RALYL: variants seen among roughly 807,000 people sequenced by gnomAD.
RALYL encodes RALY RNA binding protein like, also known as RNA-binding Raly-like protein.
A neutral mutation model predicts 35.1 loss-of-function variants in RALYL; 29 were observed. That is an observed-to-expected ratio of 0.83 (90% CI 0.61 to 1.13). The LOEUF (loss-of-function observed/expected upper bound fraction) is 1.13, where lower values mean the gene tolerates loss of function less well. RALYL is among the 50% of genes most tolerant of loss of function. RALYL has a pLI of 0.00. For missense variants in RALYL, 359 were observed against 360.4 expected, an observed-to-expected ratio of 1.00 and a Z score of 0.03; for synonymous variants, 120 against 127.6, an observed-to-expected ratio of 0.94 and a Z score of 0.40.
At position 84,599,213 on chromosome 8, in the gene RALYL, G is replaced by A. The variant is rs16913015; in HGVS notation, c.256+69636G>A. On this transcript the variant is annotated intron_variant, in intron 2 of 8. Coordinates refer to ENST00000521268, the MANE Select transcript of RALYL (RefSeq NM_173848.7). ...ATTCTCTTTATTATCATGTATCACT[G>A]ACCACTAAAAATTTCATATATGTGC... 9.8e-3 allele frequency among the ~76,000 whole-genome samples: 1,489 copies of A among 151,802 alleles called. 23 individuals carry two copies. The highest frequency in any genetic ancestry group is 0.034 in the African/African-American group (1,412 of 41,426).
chr8:84,653,613 G>A (rs1438803753), intron 2 of RALYL, among the ~76,000 whole-genome samples: 1 of 151,728 alleles, frequency 6.6e-6, no homozygotes, highest in Non-Finnish European at 1.5e-5. Flanking sequence ...AGAGATCTCT[G>A]ATTAATTAAA....
intron 1 of RALYL, among the ~76,000 whole-genome samples, chr8:84,338,221 C>A (rs1848174609): frequency 6.6e-6 from 1 of 151,672 alleles, no homozygotes; most frequent in Non-Finnish European, 1.5e-5. Context: ...GTACTATTCT[C>A]ATTTTATAGG....
intron 2 of RALYL, among the ~76,000 whole-genome samples, chr8:84,741,342 G>A (rs1382146825): frequency 6.6e-6 from 1 of 151,958 alleles, no homozygotes; most frequent in African/African-American, 2.4e-5. Context: ...ACAGCTAGCT[G>A]TCTTAGTTTG....
chr8:84,325,725 A>G (rs1336960118), intron 1 of RALYL, among the ~76,000 whole-genome samples: 2 of 152,246 alleles, frequency 1.3e-5, no homozygotes, highest in African/African-American at 4.8e-5. Flanking sequence ...CCTGACTCTT[A>G]GCATTCAAAA....
At chr8:84,593,058 T>A (rs971144450) in intron 2 of RALYL, among the ~76,000 whole-genome samples, 1 of 152,138 alleles carries the variant, frequency 6.6e-6, no homozygotes, top group Non-Finnish European at 1.5e-5. Flanking sequence ...GACTGCTTTT[T>A]TCACATTACC....
At position 84,853,876 on chromosome 8, in the gene RALYL, G is replaced by A. The variant is rs955683345; in HGVS notation, c.413+3849G>A. ...TCTTTTAGCAGAGGTGCAAACTTGG[G>A]CAAGTTAGTTAATATCACAAAATCT... On this transcript the variant is annotated intron_variant, in intron 5 of 8. Coordinates refer to ENST00000521268, the MANE Select transcript of RALYL (RefSeq NM_173848.7). Among the ~76,000 whole-genome samples the A allele has an allele frequency of 5.9e-5, 9 of 152,008 alleles. No individual in the cohort carries two copies. In the South Asian group the frequency reaches 6.2e-4, roughly 11 times the overall value.
intron 2 of RALYL, among the ~76,000 whole-genome samples, chr8:84,593,074 A>G (rs1004846580): frequency 1.3e-5 from 2 of 152,076 alleles, no homozygotes; most frequent in Non-Finnish European, 2.9e-5. Flanking sequence ...TTACCTACTT[A>G]TAGTGCATTT....
intron 1 of RALYL, among the ~76,000 whole-genome samples, chr8:84,314,148 T>C (rs1004541486): frequency 4.6e-5 from 7 of 151,984 alleles, no homozygotes; most frequent in Non-Finnish European, 8.8e-5. Flanking sequence ...TGGACACTTA[T>C]CAAACAACCA....
At chr8:84,372,917 C>CTTTTTTTTTTTTTTTTTTT (rs1856174202) in intron 1 of RALYL, among the ~76,000 whole-genome samples, 113 of 49,022 alleles carry the variant, frequency 2.3e-3, no homozygotes, top group Middle Eastern at 0.012. Context: ...TTTTTTTTTA[C>CTTTTTTTTTTTTTTTTTTT]TTTTTAATAA....
intron 1 of RALYL, among the ~76,000 whole-genome samples, chr8:84,299,610 G>A (rs2132340684): frequency 6.6e-6 from 1 of 151,972 alleles, no homozygotes; most frequent in East Asian, 1.9e-4. Context: ...GCTTTCCCTG[G>A]TTGGTCGGCT....
intron 4 of RALYL, among the ~76,000 whole-genome samples, chr8:84,828,353 T>A (rs1025335044): frequency 1.9e-4 from 29 of 152,066 alleles, no homozygotes; most frequent in African/African-American, 6.8e-4. Flanking sequence ...TGGGTAAAAA[T>A]CATCCCCTTA....
At chr8:84,686,371 T>C (rs1307512936) in intron 2 of RALYL, among the ~76,000 whole-genome samples, 4 of 151,360 alleles carry the variant, frequency 2.6e-5, no homozygotes, top group Non-Finnish European at 2.9e-5. Context: ...GCCAGCATGT[T>C]ATTTAGCTAT....
chr8:84,277,776 C>T (rs1835707328), intron 1 of RALYL, among the ~76,000 whole-genome samples: 1 of 152,222 alleles, frequency 6.6e-6, no homozygotes, highest in Non-Finnish European at 1.5e-5. Flanking sequence ...AAAATGATCT[C>T]CTTTGACTGC....
At chr8:84,614,538 T>C (rs1434976631) in intron 2 of RALYL, among the ~76,000 whole-genome samples, 1 of 151,680 alleles carries the variant, frequency 6.6e-6, no homozygotes, top group Non-Finnish European at 1.5e-5. Context: ...TTTAACTTAC[T>C]TGTGGAATAT....
intron 1 of RALYL, among the ~76,000 whole-genome samples, chr8:84,367,277 G>A (rs1424968668): frequency 1.5e-5 from 2 of 136,938 alleles, no homozygotes; most frequent in Non-Finnish European, 3.1e-5. Flanking sequence ...CTGGGATGCT[G>A]GGATTACAAG....
At chr8:84,668,320 AGT>A (rs2131769632) in intron 2 of RALYL, among the ~76,000 whole-genome samples, 1 of 152,290 alleles carries the variant, frequency 6.6e-6, no homozygotes, top group African/African-American at 2.4e-5. Context: ...ATTCTGCCTG[AGT>A]GAAAAAGAGA....
intron 1 of RALYL, among the ~76,000 whole-genome samples, chr8:84,212,205 T>G (rs1819648756): frequency 6.6e-6 from 1 of 152,174 alleles, no homozygotes; most frequent in Non-Finnish European, 1.5e-5. Flanking sequence ...GTGTAAAACA[T>G]ATTTTCTATG....
intron 1 of RALYL, among the ~76,000 whole-genome samples, chr8:84,322,122 A>G (rs1384573328): frequency 1.3e-5 from 2 of 152,130 alleles, no homozygotes; most frequent in Non-Finnish European, 2.9e-5. Flanking sequence ...TAAAGCAGAC[A>G]AAAACTCATT....
At chr8:84,215,490 G>T (rs980001595) in intron 1 of RALYL, among the ~76,000 whole-genome samples, 7 of 150,274 alleles carry the variant, frequency 4.7e-5, no homozygotes, top group Non-Finnish European at 1.0e-4. Flanking sequence ...TTTATATATG[G>T]ATATAAATGC....
Sources: gnomAD v4.1 joint callset for allele counts (sites outside exome capture counted in the v4.1 genomes callset) on GRCh38, gnomAD v4.1.1 for gene constraint, MANE v1.5 for transcripts, NCBI Gene and HGNC (gene_info 2026-07-23, HGNC 2026-07-21) for gene names.